NSRP1: variants seen among roughly 807,000 people sequenced by gnomAD.
NSRP1 encodes nuclear speckle splicing regulatory protein 1.
In NSRP1, 24 loss-of-function variants were observed where a neutral mutation model predicts 54.7. That is an observed-to-expected ratio of 0.44 (90% CI 0.32 to 0.62). The LOEUF (loss-of-function observed/expected upper bound fraction) is 0.62. NSRP1 is among the 20% of genes least tolerant of loss of function. The pLI, the probability that NSRP1 is intolerant of heterozygous loss-of-function variation, is 0.06. For synonymous variants in NSRP1, 210 were observed against 213.8 expected, an observed-to-expected ratio of 0.98 and a Z score of 0.15; for missense variants, 596 against 651.2, an observed-to-expected ratio of 0.92 and a Z score of 0.92.
rs144628176 is a variant in NSRP1, at chr17:30,166,382, G to A, written c.115-6160G>A. Among the ~76,000 whole-genome samples the A allele has an allele frequency of 5.1e-3, 769 of 152,244 alleles. 7 individuals are homozygous for A. The highest frequency in any genetic ancestry group is 0.018 in the African/African-American group (730 of 41,544). ...TTTTTTCTCTTGCTGAGTTCAATAA[G>A]ATCAACCCTTCCCTGATTTATGGCA... On this transcript the variant is annotated intron_variant, in intron 2 of 6. Transcript: ENST00000247026.
chr17:30,117,520 C>T (rs2071548325), intron 1 of NSRP1: 2 of 408,932 alleles, frequency 4.9e-6, no homozygotes, highest in South Asian at 1.9e-4. Context: ...TCAGATGCTC[C>T]GAGGCAAAGC....
intron 2 of NSRP1, among the ~76,000 whole-genome samples, chr17:30,129,679 G>A (rs904144228): frequency 3.2e-4 from 48 of 152,248 alleles, no homozygotes; most frequent in African/African-American, 8.7e-4. Context: ...GAACATTATA[G>A]TACATCCAAA....
Position 30,185,565 on chromosome 17 carries a change from T to C in NSRP1, c.1568T>C (p.Phe523Ser), listed in dbSNP as rs779739700. 1.2e-6 allele frequency: 2 copies of C among 1,614,048 alleles called. No individual in the cohort carries two copies. Among genetic ancestry groups the C allele is most frequent in the South Asian group, 1.1e-5 (1 of 91,064 alleles). The change falls in exon 7 of 7, where the codon TTT (phenylalanine) becomes TCT (serine). Residue 523 changes from phenylalanine (F) to serine (S), a missense_variant. Transcript: ENST00000247026. ...AGACCACCTGAGGCAGTGAGCAAGTTTGCAAAGCGGAACAATGAAGAAACT... is the reference window on the plus strand; with the variant it reads ...AGACCACCTGAGGCAGTGAGCAAGTCTGCAAAGCGGAACAATGAAGAAACT... ...QERPPEAVSK[F>S]AKRNNEETVM...
intron 2 of NSRP1, among the ~76,000 whole-genome samples, chr17:30,155,307 T>A (rs528181154): frequency 6.6e-6 from 1 of 152,282 alleles, no homozygotes; most frequent in South Asian, 2.1e-4. Flanking sequence ...GAATTTTCTT[T>A]TTGTCTTTCA....
intron 2 of NSRP1, among the ~76,000 whole-genome samples, chr17:30,136,541 C>T (rs2071752635): frequency 6.6e-6 from 1 of 152,086 alleles, no homozygotes; most frequent in South Asian, 2.1e-4. Flanking sequence ...GATATTGATG[C>T]TTTCTTGGTG....
chr17:30,117,151 A>T, intron 1 of NSRP1: 1 of 724,970 alleles, frequency 1.4e-6, no homozygotes, highest in Non-Finnish European at 2.6e-6. Flanking sequence ...GAGGCCCCTC[A>T]GTCTTGCTTC....
Position 30,152,423 on chromosome 17 carries a change from A to ATTT in NSRP1, c.115-20102_115-20100dup, listed in dbSNP as rs200742872. Among the ~76,000 whole-genome samples the ATTT allele has an allele frequency of 2.0e-3, 261 of 132,090 alleles. 5 individuals carry two copies. The highest frequency in any genetic ancestry group is 6.7e-3 in the South Asian group (27 of 4,014). The allele number at this position is 132,090 out of a possible 152,430, so 86.7% of individuals were successfully genotyped here. On this transcript the variant is annotated intron_variant, in intron 2 of 6. Coordinates refer to ENST00000247026, the MANE Select transcript of NSRP1 (RefSeq NM_032141.4). ...GTGAGCCACCGTGCCCAGCCTAAGA[A>ATTT]TTTTTTTTTTTTTTTTTTTGGTCAT...
intron 3 of NSRP1, 51 bp from the exon 4 acceptor site, chr17:30,178,020 G>A (rs758257241): frequency 1.9e-6 from 3 of 1,576,038 alleles, no homozygotes; most frequent in Non-Finnish European, 2.6e-6. Context: ...AGACTTTGTT[G>A]TATCTATTGG....
chr17:30,166,739 A>G (rs538638916), intron 2 of NSRP1, among the ~76,000 whole-genome samples: 1 of 152,160 alleles, frequency 6.6e-6, no homozygotes, highest in Non-Finnish European at 1.5e-5. Flanking sequence ...CCTAGCCATC[A>G]TGGCAGAACC....
chr17:30,130,164 C>T (rs1284117688), intron 2 of NSRP1, among the ~76,000 whole-genome samples: 2 of 152,128 alleles, frequency 1.3e-5, no homozygotes, highest in Non-Finnish European at 2.9e-5. Flanking sequence ...GGCTCTGTCA[C>T]AGCTCACTGT....
chr17:30,180,795 C>T (rs1597622899), intron 5 of NSRP1, 113 bp from the exon 6 acceptor site: 1 of 656,888 alleles, frequency 1.5e-6, no homozygotes, highest in Admixed American at 2.6e-5. Flanking sequence ...AGTTTGCCAA[C>T]TCCTGATCCA....
In NSRP1 at chr17:30,185,534, C is replaced by A. The variant is rs1332989910; in HGVS notation, c.1537C>A (p.Gln513Lys). 6.2e-7 allele frequency: 1 copy of A among 1,614,122 alleles called. No individual in the cohort carries two copies. The highest frequency in any genetic ancestry group is 1.7e-5 in the Admixed American group (1 of 60,008). Residue 513 changes from glutamine to lysine, a missense_variant, in exon 7 of 7, where the codon CAA becomes AAA. Physicochemically the swap from Gln to Lys is moderately conservative, Grantham distance 53. Coordinates refer to ENST00000247026, the MANE Select transcript of NSRP1 (RefSeq NM_032141.4). ...TEEGQEKGKE[Q>K]ERPPEAVSKF... Reference sequence around the variant, plus strand: ...GGAAGGGCAAGAGAAGGGTAAAGAACAAGAGAGACCACCTGAGGCAGTGAG... The same window carrying A: ...GGAAGGGCAAGAGAAGGGTAAAGAAAAAGAGAGACCACCTGAGGCAGTGAG...
At chr17:30,134,379 G>GA (rs2071729691) in intron 2 of NSRP1, among the ~76,000 whole-genome samples, 2 of 152,198 alleles carry the variant, frequency 1.3e-5, no homozygotes, top group South Asian at 4.1e-4. Context: ...CATGCTGTTG[G>GA]AAAAATGGCA....
At chr17:30,142,076 C>T (rs1472701437) in intron 2 of NSRP1, among the ~76,000 whole-genome samples, 1 of 152,172 alleles carries the variant, frequency 6.6e-6, no homozygotes, top group African/African-American at 2.4e-5. Context: ...CTTCCACTCC[C>T]TACTGTATTA....
intron 3 of NSRP1, among the ~76,000 whole-genome samples, chr17:30,175,193 T>C (rs1905086216): frequency 6.6e-6 from 1 of 152,230 alleles, no homozygotes; most frequent in Non-Finnish European, 1.5e-5. Flanking sequence ...TTTAAGGCTA[T>C]ATGTTTCCCT....
intron 2 of NSRP1, among the ~76,000 whole-genome samples, chr17:30,146,268 A>G (rs2071854138): frequency 6.6e-6 from 1 of 152,214 alleles, no homozygotes; most frequent in Non-Finnish European, 1.5e-5. Flanking sequence ...ATATAGATAA[A>G]GTTTGTGAAA....
At chr17:30,153,956 T>TA (rs1417959426) in intron 2 of NSRP1, among the ~76,000 whole-genome samples, 1 of 152,204 alleles carries the variant, frequency 6.6e-6, no homozygotes, top group Non-Finnish European at 1.5e-5. Context: ...TTCAGAAAGT[T>TA]GTATAGCCCT....
In NSRP1 at chr17:30,172,569, G is replaced by A. The variant is rs1273379135; in HGVS notation, c.142G>A (p.Glu48Lys). ...CTCTGTGAGTGAAAGCCTTCAGAGG[G>A]AAGCTGCTAAGAAGCAGGCCATGAA... ...ETSVSESLQR[E>K]AAKKQAMKQT... Residue 48 changes from glutamate to lysine, a missense_variant, in exon 3 of 7, where the codon GAA becomes AAA. Transcript: ENST00000247026. 76 of 1,610,426 alleles carry A rather than the reference G, an allele frequency of 4.7e-5. No individual in the cohort carries two copies. Among genetic ancestry groups the A allele is most frequent in the Non-Finnish European group, 6.1e-5 (72 of 1,177,904 alleles).
At chr17:30,184,057 C>G (rs1309760007) in intron 6 of NSRP1, among the ~76,000 whole-genome samples, 1 of 152,106 alleles carries the variant, frequency 6.6e-6, no homozygotes, top group East Asian at 1.9e-4. Flanking sequence ...CAAAAATTAG[C>G]TGGGCATGGT....
Sources: gnomAD v4.1 joint callset for allele counts (sites outside exome capture counted in the v4.1 genomes callset) on GRCh38, gnomAD v4.1.1 for gene constraint, MANE v1.5 for transcripts, NCBI Gene and HGNC (gene_info 2026-07-23, HGNC 2026-07-21) for gene names.